SORCS1: variants seen among roughly 807,000 people sequenced by gnomAD.
The protein encoded by SORCS1 is sortilin related VPS10 domain containing receptor 1.
SORCS1 carries 60 observed loss-of-function variants against 146.1 expected under a neutral mutation model. That is an observed-to-expected ratio of 0.41 (90% CI 0.33 to 0.51). SORCS1 has a LOEUF of 0.51. Ranked by LOEUF, SORCS1 falls within the 20% of genes least tolerant of loss-of-function variation. The pLI is 0.21. For missense variants in SORCS1, 1,352 were observed against 1,487.6 expected, an observed-to-expected ratio of 0.91 and a Z score of 1.50; for synonymous variants, 637 against 584.0, an observed-to-expected ratio of 1.09 and a Z score of -1.31.
At chr10:106,632,310 A>G (rs1333821817) in intron 18 of SORCS1, among the ~76,000 whole-genome samples, 1 of 152,204 alleles carries the variant, frequency 6.6e-6, no homozygotes, top group Non-Finnish European at 1.5e-5. Flanking sequence ...GCTTTCCACT[A>G]AAGGTGAACA....
At position 106,760,310 on chromosome 10, in the gene SORCS1, G is replaced by A. The variant is rs143585085; in HGVS notation, c.959+1278C>T. ...ATACAAAAACTTAGCCAGGCGTGAT[G>A]GTGGGCGCCTGTAGTCCCAGCTACT... On this transcript the variant is annotated intron_variant, in intron 5 of 25. Coordinates refer to ENST00000263054, the MANE Select transcript of SORCS1 (RefSeq NM_052918.5). Among the ~76,000 whole-genome samples, 798 of 152,010 alleles carry A rather than the reference G, an allele frequency of 5.2e-3. 8 individuals carry two copies. The highest frequency in any genetic ancestry group is 0.019 in the African/African-American group (780 of 41,444).
chr10:106,823,103 A>T (rs942323424), intron 3 of SORCS1, among the ~76,000 whole-genome samples: 3 of 152,182 alleles, frequency 2.0e-5, no homozygotes, highest in African/African-American at 7.2e-5. Context: ...TGAATGAAAC[A>T]TACATCCTTG....
intron 3 of SORCS1, among the ~76,000 whole-genome samples, chr10:106,780,199 A>G (rs1860785367): frequency 6.6e-6 from 1 of 152,188 alleles, no homozygotes. Context: ...TTCTCACAAG[A>G]TTTTCTGCTC....
chr10:106,929,455 C>T (rs780224010), intron 2 of SORCS1, among the ~76,000 whole-genome samples: 5 of 152,174 alleles, frequency 3.3e-5, no homozygotes, highest in African/African-American at 9.7e-5. Flanking sequence ...CTTATGTTTA[C>T]TTTCCCTCCC....
At chr10:107,078,188 A>G (rs896607877) in intron 1 of SORCS1, among the ~76,000 whole-genome samples, 1 of 152,214 alleles carries the variant, frequency 6.6e-6, no homozygotes, top group Non-Finnish European at 1.5e-5. Flanking sequence ...TAATTCACCA[A>G]TAAAAATATT....
intron 1 of SORCS1, among the ~76,000 whole-genome samples, chr10:107,040,497 A>T (rs563289673): frequency 6.6e-6 from 1 of 152,318 alleles, no homozygotes; most frequent in African/African-American, 2.4e-5. Context: ...TTCTTCACTG[A>T]GCAGCTGAGA....
At chr10:106,976,153 C>T (rs1276895795) in intron 1 of SORCS1, among the ~76,000 whole-genome samples, 1 of 147,478 alleles carries the variant, frequency 6.8e-6, no homozygotes, top group African/African-American at 2.5e-5. Flanking sequence ...AAAAAAAAGC[C>T]ATCTCCTCCA....
At chr10:107,113,233 TA>T (rs1311024136) in intron 1 of SORCS1, among the ~76,000 whole-genome samples, 1 of 152,008 alleles carries the variant, frequency 6.6e-6, no homozygotes, top group Admixed American at 6.6e-5. Context: ...ATGTGGAAAT[TA>T]AACAACATAC....
chr10:106,978,675 G>A (rs756323173), intron 1 of SORCS1, among the ~76,000 whole-genome samples: 12 of 151,962 alleles, frequency 7.9e-5, no homozygotes, highest in Middle Eastern at 3.4e-3. Context: ...GCGTGCACCC[G>A]TAATCCCAGC....
intron 19 of SORCS1, among the ~76,000 whole-genome samples, chr10:106,622,012 T>G (rs1295684251): frequency 4.6e-5 from 7 of 152,080 alleles, no homozygotes; most frequent in Non-Finnish European, 8.8e-5. Context: ...GGGAATGTGA[T>G]GTGGTGTGGT....
chr10:106,654,652 C>T (rs575178702), intron 17 of SORCS1, among the ~76,000 whole-genome samples: 5 of 152,214 alleles, frequency 3.3e-5, no homozygotes, highest in African/African-American at 1.2e-4. Context: ...TTACCACATC[C>T]CCAAACCCTC....
chr10:106,674,152 T>TAAA (rs35781544), intron 14 of SORCS1, among the ~76,000 whole-genome samples: 1 of 126,392 alleles, frequency 7.9e-6, no homozygotes, highest in African/African-American at 3.0e-5. Flanking sequence ...CTGTCTCTAC[T>TAAA]AAAAAAAAAA....
At chr10:107,174,145 C>A in the SORCS1 span, among the ~76,000 whole-genome samples, 1 of 152,106 alleles carries the variant, frequency 6.6e-6, no homozygotes, top group East Asian at 1.9e-4. Context: ...TTATTTTGAT[C>A]TTTAAATTCT....
chr10:107,019,821 A>G lies in SORCS1; in HGVS notation c.559-63241T>C, dbSNP rs778371087. On this transcript the variant is annotated intron_variant, in intron 1 of 25. Transcript: ENST00000263054. ...GCATGACTATCTCTGTCCTTTTGAA[A>G]CTTACAATCTACTTAGGGAGGCAGC... is the stretch of plus-strand genomic sequence containing the variant. Among the ~76,000 whole-genome samples, 148 of 152,328 alleles carry G rather than the reference A, an allele frequency of 9.7e-4. 1 individual carries two copies. Among genetic ancestry groups the G allele is most frequent in the Non-Finnish European group, 1.5e-3 (103 of 68,028 alleles).
chr10:107,180,646 T>A, the SORCS1 span, among the ~76,000 whole-genome samples: 1 of 152,200 alleles, frequency 6.6e-6, no homozygotes, highest in Non-Finnish European at 1.5e-5. Flanking sequence ...CTTATAATTA[T>A]CATTTGTATA....
intron 10 of SORCS1, among the ~76,000 whole-genome samples, chr10:106,686,245 T>G (rs923187919): frequency 1.3e-5 from 2 of 152,124 alleles, no homozygotes; most frequent in Non-Finnish European, 2.9e-5. Flanking sequence ...CCAGTGGTGA[T>G]GGGGAAGTAA....
chr10:106,991,062 C>A (rs142675274), intron 1 of SORCS1, among the ~76,000 whole-genome samples: 13 of 152,212 alleles, frequency 8.5e-5, no homozygotes, highest in Non-Finnish European at 7.3e-5. Context: ...GTTCAGTATT[C>A]CATGATACTA....
intron 18 of SORCS1, among the ~76,000 whole-genome samples, chr10:106,651,987 C>G (rs1849899081): frequency 6.6e-6 from 1 of 152,174 alleles, no homozygotes; most frequent in African/African-American, 2.4e-5. Flanking sequence ...AAAGAAAACC[C>G]TGCAGGCTGA....
rs1463265489 is a variant in SORCS1, at chr10:107,108,635, A to G, written c.558+55334T>C. On this transcript the variant is annotated intron_variant, in intron 1 of 25. Transcript: ENST00000263054. ...TCAGGCAGGAAGAAAAATCCACACT[A>G]TATCATTCCACCCCAGTCCCTCTCA... is the stretch of plus-strand genomic sequence containing the variant. 3.3e-5 allele frequency among the ~76,000 whole-genome samples: 5 copies of G among 152,202 alleles called. No homozygotes were observed. The East Asian group carries it at 5.8e-4, about 18-fold the overall frequency.
Sources: gnomAD v4.1 joint callset for allele counts (sites outside exome capture counted in the v4.1 genomes callset) on GRCh38, gnomAD v4.1.1 for gene constraint, MANE v1.5 for transcripts, NCBI Gene and HGNC (gene_info 2026-07-23, HGNC 2026-07-21) for gene names.